Variants in DHRS9 observed in about 807,000 individuals in gnomAD.
The protein encoded by DHRS9 is dehydrogenase/reductase 9.
A neutral mutation model predicts 26.6 loss-of-function variants in DHRS9; 18 were observed. That is an observed-to-expected ratio of 0.68 (90% CI 0.47 to 1.00). The LOEUF is 1.00. Among genes scored for constraint, DHRS9 ranks in the 50% least tolerant of loss-of-function variants. The pLI is 0.00. For missense variants in DHRS9, 425 were observed against 378.7 expected (o/e 1.12, Z -1.01); for synonymous variants, 134 against 141.1 (o/e 0.95, Z 0.36).
intron 1 of DHRS9, among the ~76,000 whole-genome samples, chr2:169,072,141 A>G (rs1683826835): frequency 6.6e-6 from 1 of 152,160 alleles, no homozygotes; most frequent in African/African-American, 2.4e-5. Flanking sequence ...AGAGGCATAC[A>G]TGTTCAGTGG....
chr2:169,085,340 T>C (rs373212260), intron 3 of DHRS9, among the ~76,000 whole-genome samples: 2 of 152,314 alleles, frequency 1.3e-5, no homozygotes, highest in South Asian at 2.1e-4. Context: ...ATATAAATTT[T>C]AGGATTGTTT....
chr2:169,081,231 C>T, intron 1 of DHRS9: 1 of 960,996 alleles, frequency 1.0e-6, no homozygotes, highest in Non-Finnish European at 1.3e-6. Flanking sequence ...CCACATAGCT[C>T]CAGCTGGCCG....
chr2:169,092,628 G>A (rs1451955933), intron 4 of DHRS9, among the ~76,000 whole-genome samples: 2 of 152,178 alleles, frequency 1.3e-5, no homozygotes, highest in Non-Finnish European at 2.9e-5. Flanking sequence ...GGCAGGTCAG[G>A]TTTGAATAAG....
rs751127074 is a variant in DHRS9, at chr2:169,081,866, G to A, written c.285G>A (p.Gln95=). The A allele has an allele frequency of 3.1e-6, 5 of 1,609,724 alleles. No homozygotes were observed. The African/African-American group carries it at 5.4e-5, about 17-fold the overall frequency. Residue 95 remains glutamine, a synonymous_variant, in exon 2 of 5, where the codon CAG becomes CAA. Coordinates refer to ENST00000674881, the MANE Select transcript of DHRS9 (RefSeq NM_001376924.1). ...CAGAGAATGTCAAGAGGACTGCCCA[G>A]TGGGTGAAGAACCAAGTTGGGGAGA... ...TDPENVKRTA[Q]WVKNQVGEKG...
At chr2:169,069,023 C>A (rs1683725877), upstream of DHRS9, among the ~76,000 whole-genome samples, 1 of 152,142 alleles carries the variant, frequency 6.6e-6, no homozygotes, top group Non-Finnish European at 1.5e-5. Context: ...TTCCAGAGAC[C>A]ACTTTAGTAA....
chr2:169,083,316 C>T lies in DHRS9; in HGVS notation c.314-13C>T. ...TGTCTTACCACACCTCTTTTCCTTC[C>T]TCTCTGTTCTAGGTCTCTGGGGTCT... On this transcript the variant is annotated splice_polypyrimidine_tract_variant and intron_variant, in intron 2 of 4. Coordinates refer to ENST00000674881, the MANE Select transcript of DHRS9 (RefSeq NM_001376924.1). 6.2e-7 allele frequency: 1 copy of T among 1,611,248 alleles called. No individual in the cohort carries two copies. The highest frequency in any genetic ancestry group is 1.1e-5 in the South Asian group (1 of 91,038).
chr2:169,082,108 C>T (rs1226319785), intron 2 of DHRS9, among the ~76,000 whole-genome samples: 1 of 152,134 alleles, frequency 6.6e-6, no homozygotes, highest in Non-Finnish European at 1.5e-5. Flanking sequence ...GACCCTTGGG[C>T]CTAAGTCTCA....
At chr2:169,091,434 T>A (rs1435116825) in intron 3 of DHRS9, among the ~76,000 whole-genome samples, 1 of 152,192 alleles carries the variant, frequency 6.6e-6, no homozygotes, top group Admixed American at 6.5e-5. Flanking sequence ...CAGGCTATCA[T>A]TAGTTCATTT....
chr2:169,083,420 A>G lies in DHRS9; in HGVS notation c.405A>G (p.Glu135=), dbSNP rs1219203533. Residue 135 remains glutamate (E), a synonymous_variant, in exon 3 of 5, where the codon GAA becomes GAG. Transcript: ENST00000674881. ...TAGAGGACTACAGAGAACCTATTGA[A>G]GTGAACCTGTTTGGACTCATCAGTG... ...LTLEDYREPI[E]VNLFGLISVT... 1.2e-6 allele frequency: 2 copies of G among 1,614,118 alleles called. No homozygotes were observed. The highest frequency in any genetic ancestry group is 1.7e-6 in the Non-Finnish European group (2 of 1,180,002).
intron 1 of DHRS9, among the ~76,000 whole-genome samples, chr2:169,080,243 T>C (rs1454068904): frequency 6.6e-6 from 1 of 152,094 alleles, no homozygotes; most frequent in Non-Finnish European, 1.5e-5. Context: ...GGCAAAGATA[T>C]TGCGTGGACA....
chr2:169,079,920 G>GGAGAGAGAGAGAGAGA (rs1200500362), intron 1 of DHRS9, among the ~76,000 whole-genome samples: 1 of 10,300 alleles, frequency 9.7e-5, no homozygotes, highest in Non-Finnish European at 1.5e-4. Flanking sequence ...GGAGGGAGGG[G>GGAGAGAGAGAGAGAGA]GAGAGAGAGA....
At chr2:169,078,168 G>A (rs967453870) in intron 1 of DHRS9, among the ~76,000 whole-genome samples, 1 of 152,170 alleles carries the variant, frequency 6.6e-6, no homozygotes, top group African/African-American at 2.4e-5. Flanking sequence ...CAGTTTCTAA[G>A]GCAAATAATA....
chr2:169,079,205 A>C (rs1346315770), intron 1 of DHRS9, among the ~76,000 whole-genome samples: 1 of 152,050 alleles, frequency 6.6e-6, no homozygotes, highest in Non-Finnish European at 1.5e-5. Context: ...CTGGGGGAAG[A>C]AAGATAAAAG....
chr2:169,069,263 T>C (rs986366480), upstream of DHRS9, among the ~76,000 whole-genome samples: 2 of 152,172 alleles, frequency 1.3e-5, no homozygotes, highest in Non-Finnish European at 2.9e-5. Context: ...TAATCACAAT[T>C]TGAAAACTAT....
In DHRS9 at chr2:169,091,792, G is replaced by A. The variant is rs200917304; in HGVS notation, c.575G>A (p.Arg192Gln). 7 of 1,604,944 alleles carry A rather than the reference G, an allele frequency of 4.4e-6. No homozygotes were observed. The South Asian group carries it at 4.4e-5, about 10-fold the overall frequency. ...AVEGFNDSLR[R>Q]DMKAFGVHVS... ...TCTTCAATGGGTTCTTTTCACAGAC[G>A]GGACATGAAAGCTTTTGGTGTGCAC... Residue 192 changes from arginine (R) to glutamine (Q), a missense_variant and splice_region_variant, in exon 4 of 5, where the codon CGG becomes CAG. Physicochemically the swap from Arg to Gln is conservative, Grantham distance 43 (BLOSUM62 1). Coordinates refer to ENST00000674881, the MANE Select transcript of DHRS9 (RefSeq NM_001376924.1).
At chr2:169,093,007 G>A (rs982616771) in intron 4 of DHRS9, among the ~76,000 whole-genome samples, 1 of 152,116 alleles carries the variant, frequency 6.6e-6, no homozygotes, top group Admixed American at 6.5e-5. Flanking sequence ...GCACTATAAT[G>A]TGAACAAGGC....
At chr2:169,081,078 A>G (rs1447785921) in intron 1 of DHRS9, 3 of 956,552 alleles carry the variant, frequency 3.1e-6, no homozygotes, top group Non-Finnish European at 3.7e-6. Context: ...GTCTGACAGA[A>G]CAATTAAAAT....
intron 4 of DHRS9, among the ~76,000 whole-genome samples, chr2:169,092,635 T>C (rs1191078108): frequency 6.6e-6 from 1 of 152,072 alleles, no homozygotes; most frequent in East Asian, 1.9e-4. Context: ...CAGGTTTGAA[T>C]AAGAGGAAAG....
upstream of DHRS9, chr2:169,069,397 T>G (rs1363847585): frequency 5.1e-6 from 5 of 984,650 alleles, no homozygotes; most frequent in African/African-American, 8.7e-5. Context: ...TTAAAGTCTC[T>G]TCTAAAAGTA....
Sources: allele counts gnomAD v4.1 joint callset (sites outside exome capture counted in the v4.1 genomes callset), GRCh38; gene constraint gnomAD v4.1.1; transcripts MANE v1.5; gene names NCBI Gene and HGNC (gene_info 2026-07-23, HGNC 2026-07-21).